IQCN: variants seen among roughly 807,000 people sequenced by gnomAD.
IQCN encodes the protein IQ domain-containing protein N.
Under a neutral mutation model 64.4 loss-of-function variants are expected in IQCN, and 46 were observed. The ratio of observed to expected loss-of-function variants is 0.71; its 90% CI spans 0.56 to 0.91. The LOEUF (loss-of-function observed/expected upper bound fraction) is 0.91, where lower values mean the gene tolerates loss of function less well. IQCN is among the 40% of genes least tolerant of loss of function. The pLI is 0.00. For synonymous variants in IQCN, 733 were observed against 775.6 expected, an observed-to-expected ratio of 0.95 and a Z score of 0.91; for missense variants, 1,753 against 1,857.4, an observed-to-expected ratio of 0.94 and a Z score of 1.03.
At chr19:18,273,171 A>G (rs192096328) in intron 1 of IQCN, among the ~76,000 whole-genome samples, 2 of 152,002 alleles carry the variant, frequency 1.3e-5, no homozygotes, top group African/African-American at 4.8e-5. Context: ...AGCTGGGATT[A>G]CAGGCACTTG....
In IQCN at chr19:18,266,054, G is replaced by A. The variant is rs1396043221; in HGVS notation, c.1486C>T (p.Arg496Cys). 8.1e-6 allele frequency: 13 copies of A among 1,613,510 alleles called. No individual in the cohort carries two copies. The highest frequency in any genetic ancestry group is 1.6e-4 in the Middle Eastern group (1 of 6,076). The change falls in exon 3 of 4, where the codon CGC becomes TGC. Residue 496 changes from arginine to cysteine, a missense_variant. Transcript: ENST00000392413. This position sits in a 1 kb window ranked among gnomAD's most constrained non-coding sequence, Gnocchi z 4.3. ...VGVTKPSPQT[R>C]LPAMITKTPA... Reference sequence around the variant, plus strand: ...GTCTTGGTTATCATGGCTGGCAGGCGGGTCTGGGGTGAGGGCTTGGTCACC... The same window carrying A: ...GTCTTGGTTATCATGGCTGGCAGGCAGGTCTGGGGTGAGGGCTTGGTCACC...
At chr19:18,262,294 G>A (rs1005716839) in intron 3 of IQCN, 1 of 152,612 alleles carries the variant, frequency 6.6e-6, no homozygotes, top group African/African-American at 2.4e-5. Context: ...CTAATGGCCT[G>A]AGATGGGTAG....
At chr19:18,267,565 C>T in intron 2 of IQCN, 39 bp from the exon 3 acceptor site, 3 of 1,494,888 alleles carry the variant, frequency 2.0e-6, no homozygotes, top group Middle Eastern at 1.8e-4. Context: ...TGTAGCAGGT[C>T]CTGCAAACAA....
At position 18,266,203 on chromosome 19, in the gene IQCN, G is replaced by C. The variant is rs559069767; in HGVS notation, c.1337C>G (p.Pro446Arg). 27 of 1,613,970 alleles carry C rather than the reference G, an allele frequency of 1.7e-5. No homozygotes were observed. Among genetic ancestry groups the C allele is most frequent in the Non-Finnish European group, 2.1e-5 (25 of 1,180,012 alleles). The part of the protein sequence containing the change: ...SIMKSLPQVC[P>R]GPAMAKTPPQ... ...TGGGGTCTTTGCCATCGCAGGCCCC[G>C]GGCATACCTGGGGCAGGCTCTTCAT... Residue 446 changes from proline (P) to arginine (R), a missense_variant, in exon 3 of 4, where the codon CCG becomes CGG. Physicochemically the swap from Pro to Arg is moderately radical, Grantham distance 103 (BLOSUM62 -2). Transcript: ENST00000392413. This position sits in a 1 kb window ranked among gnomAD's most constrained non-coding sequence, Gnocchi z 4.3.
At position 18,257,826 on chromosome 19, in the gene IQCN, C is replaced by T. The variant is rs149613489; in HGVS notation, c.3458G>A (p.Arg1153Gln). 4.1e-5 allele frequency: 66 copies of T among 1,611,242 alleles called. No homozygotes were observed. The highest frequency in any genetic ancestry group is 9.3e-5 in the African/African-American group (7 of 74,936). The change falls in exon 4 of 4, where the codon CGG (arginine) becomes CAG (glutamine). Residue 1153 changes from arginine (R) to glutamine (Q), a missense_variant. Arg to Gln is a conservative substitution (Grantham distance 43). Coordinates refer to ENST00000392413, the MANE Select transcript of IQCN (RefSeq NM_001145304.2). ...IQATWRGYRVRRNLAHLCRAT... is the reference protein window; with the variant it reads ...IQATWRGYRVQRNLAHLCRAT... ...TCTGCAGAGGTGTGCCAGGTTCCGC[C>T]GCACACGGTAGCCGCGCCAAGTAGC...
chr19:18,268,294 G>A (rs1219478974), intron 2 of IQCN, among the ~76,000 whole-genome samples: 8 of 151,748 alleles, frequency 5.3e-5, no homozygotes, highest in Admixed American at 4.6e-4. Flanking sequence ...CTAGAAGACA[G>A]AGTCATTTCT....
chr19:18,272,270 G>A lies in IQCN; in HGVS notation c.-110+2133C>T, dbSNP rs541556848. 2.6e-5 allele frequency among the ~76,000 whole-genome samples: 4 copies of A among 152,014 alleles called. No homozygotes were observed. The South Asian group carries it at 6.2e-4, about 24-fold the overall frequency. On this transcript the variant is annotated intron_variant, in intron 1 of 3. Coordinates refer to ENST00000392413, the MANE Select transcript of IQCN (RefSeq NM_001145304.2). ...AGCCTCCTGAGCAGCTGGGATTACAGGCACCTGCCACCACGCCTAGCAAAT... is the reference window on the plus strand; with the variant it reads ...AGCCTCCTGAGCAGCTGGGATTACAAGCACCTGCCACCACGCCTAGCAAAT...
chr19:18,268,172 CTCTGTGTGTGTGTGTG>C (rs1463966933), intron 2 of IQCN, among the ~76,000 whole-genome samples: 10 of 85,436 alleles, frequency 1.2e-4, no homozygotes, highest in Admixed American at 2.5e-4. Flanking sequence ...TCCTGTTTGC[CTCTGTGTGTGTGTGTG>C]TGTGTGTGTG....
chr19:18,265,901 T>A lies in IQCN; in HGVS notation c.1639A>T (p.Ile547Phe), dbSNP rs1969562355. The change falls in exon 3 of 4, where the codon ATC (isoleucine) becomes TTC (phenylalanine). Residue 547 changes from isoleucine to phenylalanine, a missense_variant. Transcript: ENST00000392413. This position sits in a 1 kb window ranked among gnomAD's most constrained non-coding sequence, Gnocchi z 4.7. ...TTGGCCTTGGGTGGGTTCTCATGGA[T>A]GGAGCCTGAGGTGTTGGGAGTTCCG... ...AAGTPNTSGSIHENPPKAKAT... is the reference protein window; with the variant it reads ...AAGTPNTSGSFHENPPKAKAT... 6.2e-7 allele frequency: 1 copy of A among 1,614,078 alleles called. No individual in the cohort carries two copies. The highest frequency in any genetic ancestry group is 8.5e-7 in the Non-Finnish European group (1 of 1,180,046).
Position 18,266,721 on chromosome 19 carries a change from G to C in IQCN, c.819C>G (p.His273Gln). Reference protein sequence around the residue: ...TRTIRSTCLVHIEGDSVKTKR... With the variant: ...TRTIRSTCLVQIEGDSVKTKR... ...TGGTCTTCACTGAGTCACCCTCTAT[G>C]TGGACGAGGCAGGTGCTTCTGATGG... is the stretch of plus-strand genomic sequence containing the variant. Residue 273 changes from histidine to glutamine, a missense_variant, in exon 3 of 4, where the codon CAC becomes CAG. Physicochemically the swap from His to Gln is conservative, Grantham distance 24. Transcript: ENST00000392413. This position sits in a 1 kb window ranked among gnomAD's most constrained non-coding sequence, Gnocchi z 4.3. 6.2e-7 allele frequency: 1 copy of C among 1,614,180 alleles called. No homozygotes were observed. Among genetic ancestry groups the C allele is most frequent in the Non-Finnish European group, 8.5e-7 (1 of 1,180,038 alleles).
chr19:18,258,232 A>C (rs540571680), intron 3 of IQCN, 126 bp from the exon 4 acceptor site: 13 of 1,033,798 alleles, frequency 1.3e-5, no homozygotes, highest in Admixed American at 3.8e-5. Flanking sequence ...CTTGGGGAAG[A>C]CTCATAGCCT....
Position 18,259,652 on chromosome 19 carries a change from C to G in IQCN, c.3178-1546G>C, listed in dbSNP as rs567530847. On this transcript the variant is annotated intron_variant, in intron 3 of 3. Transcript: ENST00000392413. ...CAGCCCTGCTCTTCAGAGAGTCCTG[C>G]GGAATCACATCTCTCTGCTGGTAAC... 10 of 152,414 alleles carry G rather than the reference C, an allele frequency of 6.6e-5. No individual in the cohort carries two copies. In the East Asian group the frequency reaches 1.9e-3, roughly 29 times the overall value. The allele number at this position is 152,414 out of a possible 1,614,324, so 9.4% of individuals were successfully genotyped here. A position where few individuals can be genotyped will look rare whatever the true frequency, so the allele number is the denominator to read the frequency against.
chr19:18,258,275 A>T (rs748197658), intron 3 of IQCN, 169 bp from the exon 4 acceptor site: 7 of 759,676 alleles, frequency 9.2e-6, no homozygotes, highest in Non-Finnish European at 1.6e-5. Context: ...GGGCCAGCGG[A>T]GGAATGACCG....
rs767981701 is a variant in IQCN at position 18,266,149 on chromosome 19, G to C, written c.1391C>G (p.Ala464Gly). The change falls in exon 3 of 4, where the codon GCC (alanine) becomes GGC (glycine). Residue 464 changes from alanine to glycine, a missense_variant. By Grantham distance (60) the Ala-to-Gly change is moderately conservative. Coordinates refer to ENST00000392413, the MANE Select transcript of IQCN (RefSeq NM_001145304.2). The surrounding 1 kb of genome is among the most constrained non-coding windows in gnomAD (Gnocchi z 4.3). ...CAGACATGTTTGCAATGGGTTTTTG[G>C]CTGGGGTGGTGACCGGGTGCATCTG... is the stretch of plus-strand genomic sequence containing the variant. ...PPQMHPVTTP[A>G]KNPLQTCLSA... 1 of 1,614,124 alleles carries C rather than the reference G, an allele frequency of 6.2e-7. No homozygotes were observed.
At chr19:18,262,513 A>G (rs934738660) in intron 3 of IQCN, 1 of 151,810 alleles carries the variant, frequency 6.6e-6, no homozygotes, top group Non-Finnish European at 1.5e-5. Context: ...AGGTTTTGGG[A>G]CCCCCAGTTA....
At chr19:18,269,974 T>G (rs1969699812) in intron 1 of IQCN, among the ~76,000 whole-genome samples, 1 of 147,250 alleles carries the variant, frequency 6.8e-6, no homozygotes, top group Admixed American at 7.0e-5. Flanking sequence ...CCCAGCACTT[T>G]GGGAGGCCAA....
intron 1 of IQCN, 44 bp from the exon 2 acceptor site, chr19:18,269,631 G>T: frequency 2.1e-6 from 1 of 484,540 alleles, no homozygotes; most frequent in Non-Finnish European, 3.5e-6. Context: ...AAGCAAAAAT[G>T]CTAAATTCTA....
At chr19:18,273,524 G>A (rs1351594812) in intron 1 of IQCN, among the ~76,000 whole-genome samples, 1 of 151,854 alleles carries the variant, frequency 6.6e-6, no homozygotes, top group Non-Finnish European at 1.5e-5. Context: ...TGGAAATGGG[G>A]TTTCTCCATG....
At position 18,264,011 on chromosome 19, in the gene IQCN, C is replaced by T. The variant is rs533573515; in HGVS notation, c.3177+352G>A. 2.8e-4 allele frequency among the ~76,000 whole-genome samples: 42 copies of T among 152,134 alleles called. No homozygotes were observed. Among genetic ancestry groups the T allele is most frequent in the Non-Finnish European group, 5.6e-4 (38 of 68,006 alleles). Reference sequence around the variant, plus strand: ...GTGGCTGCATGTGGGACAGCTTGAGCAAACTGGGGCCCTCCCCACTCCCCT... The same window carrying T: ...GTGGCTGCATGTGGGACAGCTTGAGTAAACTGGGGCCCTCCCCACTCCCCT... On this transcript the variant is annotated intron_variant, in intron 3 of 3. Coordinates refer to ENST00000392413, the MANE Select transcript of IQCN (RefSeq NM_001145304.2). The surrounding 1 kb of genome is among the most constrained non-coding windows in gnomAD (Gnocchi z 4.3).
Sources: allele counts gnomAD v4.1 joint callset (sites outside exome capture counted in the v4.1 genomes callset), GRCh38; gene constraint gnomAD v4.1.1; non-coding constraint Gnocchi (gnomAD v3.1); transcripts MANE v1.5; gene names NCBI Gene and HGNC (gene_info 2026-07-23, HGNC 2026-07-21).